CSMD1: variants seen among roughly 807,000 people sequenced by gnomAD.
The protein encoded by CSMD1 is CUB and sushi domain-containing protein 1.
In CSMD1, 213 loss-of-function variants were observed where a neutral mutation model predicts 417.5. The ratio of observed to expected loss-of-function variants is 0.51; its 90% CI spans 0.46 to 0.57. The LOEUF is 0.57. CSMD1 is among the 20% of genes least tolerant of loss of function. The pLI is 0.00. For missense variants in CSMD1, 6,923 were observed against 4,529.7 expected (o/e 1.53, Z -15.17); for synonymous variants, 2,862 against 1,736.8 (o/e 1.65, Z -16.11).
At chr8:3,976,543 G>A (rs1348350396) in intron 5 of CSMD1, among the ~76,000 whole-genome samples, 1 of 152,224 alleles carries the variant, frequency 6.6e-6, no homozygotes, top group East Asian at 1.9e-4. Context: ...ACAAGAGCCT[G>A]TGAAACAGAG....
At chr8:3,386,224 T>C (rs986377940) in intron 18 of CSMD1, among the ~76,000 whole-genome samples, 1 of 152,206 alleles carries the variant, frequency 6.6e-6, no homozygotes, top group Non-Finnish European at 1.5e-5. Flanking sequence ...ATTCAGAAAC[T>C]TAGCAGAAAG....
intron 23 of CSMD1, among the ~76,000 whole-genome samples, chr8:3,322,950 T>C (rs994089434): frequency 2.6e-5 from 4 of 152,238 alleles, no homozygotes; most frequent in Non-Finnish European, 5.9e-5. Context: ...TTTTTGTTTT[T>C]GTTTTCCTAT....
intron 5 of CSMD1, among the ~76,000 whole-genome samples, chr8:3,844,822 T>C (rs192869173): frequency 6.6e-6 from 1 of 152,148 alleles, no homozygotes; most frequent in South Asian, 2.1e-4. Context: ...ACAGATTTTG[T>C]TTTTGTTTTT....
At chr8:3,342,529 T>C (rs1236374778) in intron 23 of CSMD1, among the ~76,000 whole-genome samples, 1 of 152,258 alleles carries the variant, frequency 6.6e-6, no homozygotes, top group East Asian at 1.9e-4. Flanking sequence ...AAATAGCTTT[T>C]TCTTTTACTT....
At chr8:4,721,485 A>G (rs1809047341) in intron 1 of CSMD1, among the ~76,000 whole-genome samples, 1 of 152,222 alleles carries the variant, frequency 6.6e-6, no homozygotes, top group South Asian at 2.1e-4. Context: ...ACTTATCACC[A>G]GGGATATACA....
chr8:4,036,884 T>C (rs910870244), intron 3 of CSMD1, among the ~76,000 whole-genome samples: 9 of 152,186 alleles, frequency 5.9e-5, no homozygotes, highest in Admixed American at 3.3e-4. Flanking sequence ...TTCCTCCATA[T>C]CCCAAAGATG....
chr8:4,210,784 T>TCTACA (rs1431419019), intron 3 of CSMD1, among the ~76,000 whole-genome samples: 1 of 152,156 alleles, frequency 6.6e-6, no homozygotes, highest in Non-Finnish European at 1.5e-5. Flanking sequence ...AATGAGTAAA[T>TCTACA]ACGAGCATAT....
At chr8:3,834,466 A>G (rs955535630) in intron 5 of CSMD1, among the ~76,000 whole-genome samples, 1 of 152,142 alleles carries the variant, frequency 6.6e-6, no homozygotes, top group Non-Finnish European at 1.5e-5. Context: ...GCAGTGCTCC[A>G]TGTGTGTTGT....
chr8:3,642,132 A>G (rs1019876919), intron 7 of CSMD1, among the ~76,000 whole-genome samples: 1 of 152,036 alleles, frequency 6.6e-6, no homozygotes, highest in African/African-American at 2.4e-5. Flanking sequence ...CTGGAAACTC[A>G]CACAAATAGA....
chr8:3,948,618 T>C (rs913931967), intron 5 of CSMD1, among the ~76,000 whole-genome samples: 1 of 152,170 alleles, frequency 6.6e-6, no homozygotes, highest in Non-Finnish European at 1.5e-5. Flanking sequence ...CAATTCCACA[T>C]ACTTACTGCT....
At chr8:4,535,905 C>T (rs1339863527) in intron 2 of CSMD1, among the ~76,000 whole-genome samples, 3 of 152,096 alleles carry the variant, frequency 2.0e-5, no homozygotes, top group Non-Finnish European at 2.9e-5. Flanking sequence ...ATAATTAACT[C>T]TTTGTTGTTG....
At chr8:3,694,809 C>T (rs968731869) in intron 7 of CSMD1, among the ~76,000 whole-genome samples, 5 of 151,672 alleles carry the variant, frequency 3.3e-5, no homozygotes, top group African/African-American at 1.2e-4. Flanking sequence ...GTGCAGGGAG[C>T]CAGGGGAACG....
At chr8:4,403,740 AT>A (rs746094220) in intron 3 of CSMD1, among the ~76,000 whole-genome samples, 16 of 152,038 alleles carry the variant, frequency 1.1e-4, no homozygotes, top group Non-Finnish European at 1.5e-4. Context: ...TGATGACCTC[AT>A]CTTACTGCTA....
Position 3,172,793 on chromosome 8 carries a change from A to G in CSMD1, c.5725+8317T>C, listed in dbSNP as rs370978791. Among the ~76,000 whole-genome samples, 4 of 152,330 alleles carry G rather than the reference A, an allele frequency of 2.6e-5. No homozygotes were observed. The East Asian group carries it at 5.8e-4, about 22-fold the overall frequency. Reference sequence around the variant, plus strand: ...TGAGGCACAAGGGCAGTTGAACCCAATGGCAATTGTCAGTTTCCATTGAAA... The same window carrying G: ...TGAGGCACAAGGGCAGTTGAACCCAGTGGCAATTGTCAGTTTCCATTGAAA... On this transcript the variant is annotated intron_variant, in intron 37 of 69. Coordinates refer to ENST00000635120, the MANE Select transcript of CSMD1 (RefSeq NM_033225.6).
chr8:4,960,133 T>C (rs535234592), intron 1 of CSMD1, among the ~76,000 whole-genome samples: 3 of 152,200 alleles, frequency 2.0e-5, no homozygotes, highest in African/African-American at 7.2e-5. Flanking sequence ...ATGTGCTCAT[T>C]ACTTCTGAAA....
intron 2 of CSMD1, among the ~76,000 whole-genome samples, chr8:4,523,832 T>C (rs553365836): frequency 2.0e-4 from 30 of 152,318 alleles, no homozygotes; most frequent in African/African-American, 6.5e-4. Flanking sequence ...TCAACCATAC[T>C]GTTTCTTAAC....
chr8:4,348,791 C>G (rs894557238), intron 3 of CSMD1, among the ~76,000 whole-genome samples: 7 of 152,118 alleles, frequency 4.6e-5, no homozygotes, highest in Non-Finnish European at 1.0e-4. Context: ...TTCTTTCAAT[C>G]CCTTAACCCA....
chr8:3,662,329 G>A (rs1250893751), intron 7 of CSMD1, among the ~76,000 whole-genome samples: 2 of 152,062 alleles, frequency 1.3e-5, no homozygotes, highest in African/African-American at 4.8e-5. Flanking sequence ...ACAGTTAAAT[G>A]GTTTCTTAAA....
At chr8:4,617,836 T>G (rs1474422145) in intron 2 of CSMD1, among the ~76,000 whole-genome samples, 1 of 152,180 alleles carries the variant, frequency 6.6e-6, no homozygotes, top group Non-Finnish European at 1.5e-5. Context: ...GTATATTCAT[T>G]GGAAGAGACC....
Sources: allele counts gnomAD v4.1 joint callset (sites outside exome capture counted in the v4.1 genomes callset), GRCh38; gene constraint gnomAD v4.1.1; transcripts MANE v1.5; gene names NCBI Gene and HGNC (gene_info 2026-07-23, HGNC 2026-07-21).